The following MAF variants were observed in gnomAD, a reference collection of about 807,000 sequenced individuals.
MAF encodes the protein transcription factor Maf.
In MAF, 10 loss-of-function variants were observed where a neutral mutation model predicts 22.0. The ratio of observed to expected loss-of-function variants is 0.45; its 90% CI spans 0.28 to 0.77. The LOEUF (loss-of-function observed/expected upper bound fraction) is 0.77, where lower values mean the gene tolerates loss of function less well. MAF is among the 30% of genes least tolerant of loss of function. The pLI is 0.12. For synonymous variants in MAF, 337 were observed against 255.8 expected (o/e 1.32, Z -3.03); for missense variants, 544 against 548.4 (o/e 0.99, Z 0.08).
the MAF span, among the ~76,000 whole-genome samples, chr16:79,414,596 T>G: frequency 6.6e-6 from 1 of 152,126 alleles, no homozygotes; most frequent in African/African-American, 2.4e-5. Context: ...ATATCCAAAC[T>G]ATATCAGTGG....
chr16:79,380,444 T>C, the MAF span, among the ~76,000 whole-genome samples: 1 of 152,200 alleles, frequency 6.6e-6, no homozygotes, highest in Non-Finnish European at 1.5e-5. Context: ...ATTTTTCCAA[T>C]ACAGTGTGAG....
the MAF span, among the ~76,000 whole-genome samples, chr16:79,438,868 C>T: frequency 4.0e-3 from 610 of 152,278 alleles, 4 homozygotes; most frequent in African/African-American, 0.014. Context: ...TGCCACACTT[C>T]ACAGACACCA....
the MAF span, among the ~76,000 whole-genome samples, chr16:79,437,865 T>G: frequency 6.6e-6 from 1 of 151,984 alleles, no homozygotes; most frequent in Admixed American, 6.6e-5. Context: ...TGCTGAGACG[T>G]GGGCCGCATT....
At chr16:79,312,283 AC>A in the MAF span, among the ~76,000 whole-genome samples, 1 of 152,228 alleles carries the variant, frequency 6.6e-6, no homozygotes, top group Non-Finnish European at 1.5e-5. Flanking sequence ...CATACACAAC[AC>A]AAAGGCACAC....
At chr16:79,508,644 C>T in the MAF span, among the ~76,000 whole-genome samples, 1 of 152,184 alleles carries the variant, frequency 6.6e-6, no homozygotes, top group Admixed American at 6.5e-5. Context: ...ACTTTCCTAC[C>T]CTATACTGAC....
chr16:79,551,259 A>G, the MAF span, among the ~76,000 whole-genome samples: 19 of 152,218 alleles, frequency 1.2e-4, no homozygotes, highest in African/African-American at 3.4e-4. Context: ...CCTAGCATCA[A>G]TGCTCCTCTC....
At chr16:79,502,006 C>T in the MAF span, among the ~76,000 whole-genome samples, 3 of 152,118 alleles carry the variant, frequency 2.0e-5, no homozygotes, top group African/African-American at 4.8e-5. Flanking sequence ...TTTCTTTCAA[C>T]CATTTATTTA....
the MAF span, among the ~76,000 whole-genome samples, chr16:79,555,199 C>T: frequency 6.6e-6 from 1 of 152,222 alleles, no homozygotes; most frequent in Non-Finnish European, 1.5e-5. Context: ...CCATCCTCCT[C>T]TCTCATCTCT....
the MAF span, among the ~76,000 whole-genome samples, chr16:79,215,745 C>G: frequency 6.6e-6 from 1 of 152,184 alleles, no homozygotes; most frequent in African/African-American, 2.4e-5. Flanking sequence ...GTGCTACATC[C>G]TGGAAATTCA....
the MAF span, among the ~76,000 whole-genome samples, chr16:79,252,064 G>A: frequency 6.6e-6 from 1 of 152,376 alleles, no homozygotes; most frequent in Admixed American, 6.5e-5. Flanking sequence ...GTCCCGGCCT[G>A]CAGAAACCTA....
At chr16:79,538,128 AAAG>A in the MAF span, among the ~76,000 whole-genome samples, 1 of 152,244 alleles carries the variant, frequency 6.6e-6, no homozygotes, top group African/African-American at 2.4e-5. Context: ...CAATTTTGAA[AAAG>A]AAGAATGAGA....
the MAF span, among the ~76,000 whole-genome samples, chr16:79,520,182 T>A: frequency 6.6e-6 from 1 of 152,200 alleles, no homozygotes; most frequent in African/African-American, 2.4e-5. Context: ...GCTGCTCATG[T>A]CTTCCAATGC....
the MAF span, among the ~76,000 whole-genome samples, chr16:79,298,951 C>T: frequency 6.6e-6 from 1 of 152,268 alleles, no homozygotes; most frequent in Non-Finnish European, 1.5e-5. Flanking sequence ...ATCCTCTCAG[C>T]CCCCTGAGCG....
At chr16:79,210,490 A>C in the MAF span, among the ~76,000 whole-genome samples, 1 of 152,110 alleles carries the variant, frequency 6.6e-6, no homozygotes, top group African/African-American at 2.4e-5. Context: ...TTTCCCCCAC[A>C]ATCAAAGTTC....
chr16:79,534,047 G>C, the MAF span, among the ~76,000 whole-genome samples: 5 of 152,128 alleles, frequency 3.3e-5, no homozygotes, highest in African/African-American at 7.2e-5. Flanking sequence ...AGAGCCCTTT[G>C]ACTCTGCTTA....
the MAF span, among the ~76,000 whole-genome samples, chr16:79,519,108 C>T: frequency 1.3e-5 from 2 of 152,104 alleles, no homozygotes; most frequent in Non-Finnish European, 2.9e-5. Context: ...GTTCCTCCTG[C>T]CTATTATCTT....
chr16:79,367,615 T>G, the MAF span, among the ~76,000 whole-genome samples: 5 of 152,244 alleles, frequency 3.3e-5, no homozygotes, highest in Non-Finnish European at 7.3e-5. Flanking sequence ...ATGTTTTTTA[T>G]TGTGCTGTCC....
At chr16:79,458,309 T>C in the MAF span, among the ~76,000 whole-genome samples, 2 of 152,168 alleles carry the variant, frequency 1.3e-5, no homozygotes, top group Non-Finnish European at 2.9e-5. Flanking sequence ...CATGTGTCTC[T>C]CTGTGCATGG....
chr16:79,220,136 G>C, the MAF span, among the ~76,000 whole-genome samples: 1 of 151,398 alleles, frequency 6.6e-6, no homozygotes, highest in African/African-American at 2.4e-5. Flanking sequence ...GGCACCTGTA[G>C]TCCCAGTTAC....
Sources: gnomAD v4.1 joint callset for allele counts (sites outside exome capture counted in the v4.1 genomes callset) on GRCh38, gnomAD v4.1.1 for gene constraint, MANE v1.5 for transcripts, NCBI Gene and HGNC (gene_info 2026-07-23, HGNC 2026-07-21) for gene names.